Variants in KIRREL3 observed in about 807,000 individuals in gnomAD.
The protein encoded by KIRREL3 is kin of IRRE-like protein 3.
A neutral mutation model predicts 89.7 loss-of-function variants in KIRREL3; 36 were observed. The ratio of observed to expected loss-of-function variants is 0.40; its 90% CI spans 0.31 to 0.53. The LOEUF is 0.53. Ranked by LOEUF, KIRREL3 falls within the 20% of genes least tolerant of loss-of-function variation. The pLI is 0.49. For synonymous variants in KIRREL3, 445 were observed against 441.4 expected (o/e 1.01, Z -0.10); for missense variants, 864 against 1,056.6 (o/e 0.82, Z 2.53).
chr11:126,869,012 C>A (rs1945015046), intron 1 of KIRREL3, among the ~76,000 whole-genome samples: 1 of 152,084 alleles, frequency 6.6e-6, no homozygotes, highest in Non-Finnish European at 1.5e-5. Context: ...TCCCAAAGCC[C>A]CAAGTCCTAA....
At chr11:126,722,747 C>T (rs1024874458) in intron 1 of KIRREL3, among the ~76,000 whole-genome samples, 10 of 152,064 alleles carry the variant, frequency 6.6e-5, no homozygotes, top group Admixed American at 2.0e-4. Flanking sequence ...ATGTAAGCTC[C>T]GTGTGGACAA....
At chr11:126,468,617 C>A (rs1956797355) in intron 5 of KIRREL3, among the ~76,000 whole-genome samples, 1 of 152,208 alleles carries the variant, frequency 6.6e-6, no homozygotes, top group Non-Finnish European at 1.5e-5. Context: ...GGTGAGCAAC[C>A]CAGAAACTTT....
Position 126,475,593 on chromosome 11 carries a change from G to C in KIRREL3, c.434-2127C>G, listed in dbSNP as rs1030342756. 2.0e-5 allele frequency among the ~76,000 whole-genome samples: 3 copies of C among 152,214 alleles called. No individual in the cohort carries two copies. The highest frequency in any genetic ancestry group is 4.4e-5 in the Non-Finnish European group (3 of 68,036). On this transcript the variant is annotated intron_variant, in intron 4 of 16. Coordinates refer to ENST00000525144, the MANE Select transcript of KIRREL3 (RefSeq NM_032531.4). The surrounding 1 kb of genome is among the most constrained non-coding windows in gnomAD (Gnocchi z 7.5). ...CCACCGAGATCCTGGCTCAGGAACA[G>C]AGTCTGCCTCAGGCAACCCTGCCTG...
At chr11:126,597,122 T>C (rs79463066) in intron 1 of KIRREL3, among the ~76,000 whole-genome samples, 397 of 152,322 alleles carry the variant, frequency 2.6e-3, no homozygotes, top group African/African-American at 8.7e-3. Flanking sequence ...TCTCTCCCTT[T>C]GGAGGGCCGT....
upstream of KIRREL3, chr11:127,002,824 A>C (rs1029938001): frequency 2.0e-5 from 3 of 152,204 alleles, no homozygotes; most frequent in Non-Finnish European, 4.4e-5. Flanking sequence ...CGAGGGAACT[A>C]TTACAAAACC....
In KIRREL3 at chr11:126,606,980, C is replaced by T. The variant is rs1202236092; in HGVS notation, c.56-44068G>A. Reference sequence around the variant, plus strand: ...TGAAGTAAGCAGCTTTGGAACCTGCCTATCACATGGCCGGGTATTCCAGGG... The same window carrying T: ...TGAAGTAAGCAGCTTTGGAACCTGCTTATCACATGGCCGGGTATTCCAGGG... On this transcript the variant is annotated intron_variant, in intron 1 of 16. Coordinates refer to ENST00000525144, the MANE Select transcript of KIRREL3 (RefSeq NM_032531.4). The surrounding 1 kb of genome is among the most constrained non-coding windows in gnomAD (Gnocchi z 4.6). 2.0e-5 allele frequency among the ~76,000 whole-genome samples: 3 copies of T among 152,074 alleles called. No homozygotes were observed. The highest frequency in any genetic ancestry group is 7.2e-5 in the African/African-American group (3 of 41,400).
intron 1 of KIRREL3, among the ~76,000 whole-genome samples, chr11:126,573,696 A>C (rs1941096852): frequency 6.6e-6 from 1 of 152,092 alleles, no homozygotes; most frequent in African/African-American, 2.4e-5. Flanking sequence ...TTATTTATTT[A>C]TTTAGTAATT....
intron 1 of KIRREL3, among the ~76,000 whole-genome samples, chr11:126,567,174 G>A (rs934992741): frequency 6.6e-6 from 1 of 152,204 alleles, no homozygotes; most frequent in Non-Finnish European, 1.5e-5. Flanking sequence ...GTCCCTCAGA[G>A]TGTGACCTTG....
intron 1 of KIRREL3, among the ~76,000 whole-genome samples, chr11:126,667,636 C>T (rs555598000): frequency 6.6e-6 from 1 of 152,298 alleles, no homozygotes; most frequent in African/African-American, 2.4e-5. Flanking sequence ...TTTTCCCAGA[C>T]ACACTCTCAA....
chr11:126,487,759 G>A (rs539641185), intron 4 of KIRREL3, among the ~76,000 whole-genome samples: 2 of 152,332 alleles, frequency 1.3e-5, no homozygotes, highest in Non-Finnish European at 2.9e-5. Context: ...CCATTCTGGG[G>A]AGGGAGGCCT....
intron 1 of KIRREL3, among the ~76,000 whole-genome samples, chr11:126,964,482 C>T (rs1949203351): frequency 6.6e-6 from 1 of 152,114 alleles, no homozygotes; most frequent in Non-Finnish European, 1.5e-5. Flanking sequence ...GGTAGGTCCT[C>T]CTAGAACCCC....
In KIRREL3 at chr11:126,579,349, G is replaced by T. The variant is rs2134658984; in HGVS notation, c.56-16437C>A. On this transcript the variant is annotated intron_variant, in intron 1 of 16. Coordinates refer to ENST00000525144, the MANE Select transcript of KIRREL3 (RefSeq NM_032531.4). This position sits in a 1 kb window ranked among gnomAD's most constrained non-coding sequence, Gnocchi z 5.3. ...TGCTCTGTCAGTTATGACTTCCTCG[G>T]GTACCTGAGACTGTAGCTCCTCATT... Among the ~76,000 whole-genome samples, 1 of 152,208 alleles carries T rather than the reference G, an allele frequency of 6.6e-6. No homozygotes were observed. Among genetic ancestry groups the T allele is most frequent in the South Asian group, 2.1e-4 (1 of 4,804 alleles).
At chr11:126,680,615 A>G (rs1399481905) in intron 1 of KIRREL3, among the ~76,000 whole-genome samples, 1 of 152,132 alleles carries the variant, frequency 6.6e-6, no homozygotes, top group Admixed American at 6.5e-5. Flanking sequence ...TCCCATGAAG[A>G]TTAACTTATC....
In KIRREL3 at chr11:126,686,198, C is replaced by CT. The variant is rs1053106332; in HGVS notation, c.56-123287dup. Among the ~76,000 whole-genome samples the CT allele has an allele frequency of 1.3e-5, 2 of 152,220 alleles. No individual in the cohort carries two copies. The highest frequency in any genetic ancestry group is 2.9e-5 in the Non-Finnish European group (2 of 68,042). On this transcript the variant is annotated intron_variant, in intron 1 of 16. Transcript: ENST00000525144. The surrounding 1 kb of genome is among the most constrained non-coding windows in gnomAD (Gnocchi z 4.7). ...AGCTTCTCCTCCACAGCCCACCCAC[C>CT]TGCAGGGGCTTTCTCACGTGTGGCG...
rs752511775 is a variant in KIRREL3, at chr11:126,571,909, T to C, written c.56-8997A>G. ...TAGGTGGGGGAACAGAGAAATAGGA[T>C]CATGAAGGCCATTCCTGTCCTCCAG... is the stretch of plus-strand genomic sequence containing the variant. On this transcript the variant is annotated intron_variant, in intron 1 of 16. Coordinates refer to ENST00000525144, the MANE Select transcript of KIRREL3 (RefSeq NM_032531.4). The surrounding 1 kb of genome is among the most constrained non-coding windows in gnomAD (Gnocchi z 7.7). Among the ~76,000 whole-genome samples, 25 of 152,154 alleles carry C rather than the reference T, an allele frequency of 1.6e-4. No individual in the cohort carries two copies. The highest frequency in any genetic ancestry group is 2.9e-4 in the Non-Finnish European group (20 of 68,014).
chr11:126,604,624 T>C (rs960051666), intron 1 of KIRREL3, among the ~76,000 whole-genome samples: 4 of 152,172 alleles, frequency 2.6e-5, no homozygotes, highest in Non-Finnish European at 5.9e-5. Flanking sequence ...CTTACAGGTG[T>C]GTCCTGTGGG....
chr11:126,524,591 A>G (rs1958692553), intron 3 of KIRREL3, among the ~76,000 whole-genome samples: 1 of 152,232 alleles, frequency 6.6e-6, no homozygotes, highest in Non-Finnish European at 1.5e-5. Context: ...CAATATGAAG[A>G]AGTGCATTTA....
chr11:126,637,705 T>A (rs1707081824), intron 1 of KIRREL3, among the ~76,000 whole-genome samples: 1 of 152,200 alleles, frequency 6.6e-6, no homozygotes, highest in African/African-American at 2.4e-5. Context: ...TCTCTGCGGA[T>A]GGTCACTTAA....
Position 126,844,134 on chromosome 11 carries a change from C to A in KIRREL3, c.55+156321G>T, listed in dbSNP as rs1386996473. Reference sequence around the variant, plus strand: ...GGGACCCCTTTCCAGTAACATCTTCCTGGTAACCCAGGTGGGACAATAGTG... The same window carrying A: ...GGGACCCCTTTCCAGTAACATCTTCATGGTAACCCAGGTGGGACAATAGTG... On this transcript the variant is annotated intron_variant, in intron 1 of 16. Coordinates refer to ENST00000525144, the MANE Select transcript of KIRREL3 (RefSeq NM_032531.4). The surrounding 1 kb of genome is among the most constrained non-coding windows in gnomAD (Gnocchi z 4.8). 1.3e-5 allele frequency among the ~76,000 whole-genome samples: 2 copies of A among 152,148 alleles called. No individual in the cohort carries two copies. The highest frequency in any genetic ancestry group is 4.8e-5 in the African/African-American group (2 of 41,428).
Sources: allele counts gnomAD v4.1 joint callset (sites outside exome capture counted in the v4.1 genomes callset), GRCh38; gene constraint gnomAD v4.1.1; non-coding constraint Gnocchi (gnomAD v3.1); transcripts MANE v1.5; gene names NCBI Gene and HGNC (gene_info 2026-07-23, HGNC 2026-07-21).